SGCZ: variants seen among roughly 807,000 people sequenced by gnomAD.
SGCZ encodes zeta-sarcoglycan.
SGCZ carries 40 observed loss-of-function variants against 41.3 expected under a neutral mutation model. The ratio of observed to expected loss-of-function variants is 0.97; its 90% CI spans 0.75 to 1.26. SGCZ has a LOEUF of 1.26. Among genes scored for constraint, SGCZ ranks in the 50% most tolerant of loss-of-function variants. The pLI, the probability that SGCZ is intolerant of heterozygous loss-of-function variation, is 0.00. For synonymous variants in SGCZ, 206 were observed against 137.5 expected, an observed-to-expected ratio of 1.50 and a Z score of -3.49; for missense variants, 552 against 369.8, an observed-to-expected ratio of 1.49 and a Z score of -4.04.
intron 1 of SGCZ, among the ~76,000 whole-genome samples, chr8:15,102,717 G>A (rs1806661758): frequency 6.6e-6 from 1 of 152,060 alleles, no homozygotes; most frequent in Non-Finnish European, 1.5e-5. Context: ...ATTATAAAAT[G>A]TTTATATTGG....
At chr8:14,154,243 G>A (rs182082889) in intron 5 of SGCZ, among the ~76,000 whole-genome samples, 14 of 152,156 alleles carry the variant, frequency 9.2e-5, no homozygotes, top group Admixed American at 2.0e-4. Flanking sequence ...GGTGGTGGTC[G>A]CCTGTAGTCC....
chr8:14,109,474 C>G (rs1450934618), intron 5 of SGCZ, among the ~76,000 whole-genome samples: 1 of 152,096 alleles, frequency 6.6e-6, no homozygotes, highest in Non-Finnish European at 1.5e-5. Flanking sequence ...CTGGTCTAAT[C>G]TTCTTCAAAG....
chr8:14,794,354 GA>G (rs1249558582), intron 1 of SGCZ, among the ~76,000 whole-genome samples: 1 of 151,990 alleles, frequency 6.6e-6, no homozygotes, highest in African/African-American at 2.4e-5. Context: ...AGAGAGATGA[GA>G]AAATATACTG....
rs1276358674 is a variant in SGCZ at position 14,302,370 on chromosome 8, GT to G, written c.336+21732del. Among the ~76,000 whole-genome samples, 14 of 152,264 alleles carry G rather than the reference GT, an allele frequency of 9.2e-5. No individual in the cohort carries two copies. In the East Asian group the frequency reaches 2.3e-3, roughly 25 times the overall value. ...ACTTTTTCTATTTATTAAATCAAGT[GT>G]ATTTTATCAACCCTGTGATTCTTTC... On this transcript the variant is annotated intron_variant, in intron 3 of 7. Coordinates refer to ENST00000382080, the MANE Select transcript of SGCZ (RefSeq NM_139167.4).
Position 15,142,100 on chromosome 8 carries a change from T to C in SGCZ, c.39+95485A>G, listed in dbSNP as rs543956363. ...GAAGAGAGGACCTTGATGCTGAAGT[T>C]GGAGTTGAGCATCCCACTGAAATGG... On this transcript the variant is annotated intron_variant, in intron 1 of 7. Transcript: ENST00000382080. 1.1e-4 allele frequency among the ~76,000 whole-genome samples: 17 copies of C among 152,228 alleles called. No individual in the cohort carries two copies. The East Asian group carries it at 3.1e-3, about 28-fold the overall frequency.
At chr8:14,369,588 G>T (rs549355306) in intron 2 of SGCZ, among the ~76,000 whole-genome samples, 14 of 151,862 alleles carry the variant, frequency 9.2e-5, no homozygotes, top group African/African-American at 3.4e-4. Flanking sequence ...AGTATTTTAT[G>T]GAAAAGTCGT....
chr8:14,085,597 T>C lies in SGCZ; in HGVS notation c.*4846A>G, dbSNP rs1207064914. 1.3e-5 allele frequency among the ~76,000 whole-genome samples: 2 copies of C among 151,846 alleles called. No homozygotes were observed. Among genetic ancestry groups the C allele is most frequent in the African/African-American group, 2.4e-5 (1 of 41,420 alleles). On this transcript the variant is annotated 3_prime_UTR_variant, in exon 8 of 8. Coordinates refer to ENST00000382080, the MANE Select transcript of SGCZ (RefSeq NM_139167.4). ...CCTCTGGTTCTACAAGTATTTCAAA[T>C]TTTATTCTCCAAATAGTGTTCAGCA... is the stretch of plus-strand genomic sequence containing the variant.
At chr8:14,307,391 A>T (rs1016138747) in intron 3 of SGCZ, among the ~76,000 whole-genome samples, 1 of 152,196 alleles carries the variant, frequency 6.6e-6, no homozygotes, top group Non-Finnish European at 1.5e-5. Context: ...TGATGAAAAG[A>T]ATATAAATGC....
At position 14,380,752 on chromosome 8, in the gene SGCZ, G is replaced by C. The variant is rs531888233; in HGVS notation, c.235-56548C>G. On this transcript the variant is annotated intron_variant, in intron 2 of 7. Transcript: ENST00000382080. ...CTGCAGTCCCAGCTACTCGCTACTTGGAAGGCCGAGGTAGGAGAATCACTT... is the reference window on the plus strand; with the variant it reads ...CTGCAGTCCCAGCTACTCGCTACTTCGAAGGCCGAGGTAGGAGAATCACTT... 1.6e-3 allele frequency among the ~76,000 whole-genome samples: 239 copies of C among 152,220 alleles called. 2 individuals carry two copies. The highest frequency in any genetic ancestry group is 5.1e-3 in the African/African-American group (211 of 41,550).
chr8:15,070,795 T>C (rs750647302), intron 1 of SGCZ, among the ~76,000 whole-genome samples: 3 of 152,210 alleles, frequency 2.0e-5, no homozygotes, highest in Non-Finnish European at 4.4e-5. Flanking sequence ...TATTAGCTTC[T>C]TATTATTTAT....
At chr8:14,641,741 TA>T (rs757965772) in intron 1 of SGCZ, among the ~76,000 whole-genome samples, 1 of 151,662 alleles carries the variant, frequency 6.6e-6, no homozygotes, top group Non-Finnish European at 1.5e-5. Context: ...TCAGATGACA[TA>T]AATTATAAAC....
At chr8:14,246,002 C>T (rs145674788) in intron 3 of SGCZ, among the ~76,000 whole-genome samples, 151,503 of 152,250 alleles carry the variant, frequency 1, 75,386 homozygotes, top group East Asian at 1. Context: ...GTTGGTGGGA[C>T]TGTAAACTAG....
At chr8:14,266,493 G>A (rs1456700890) in intron 3 of SGCZ, among the ~76,000 whole-genome samples, 1 of 152,104 alleles carries the variant, frequency 6.6e-6, no homozygotes, top group Non-Finnish European at 1.5e-5. Flanking sequence ...TAGCCAGGTA[G>A]GGACCCAAGA....
rs977263185 is a variant in SGCZ at position 14,948,796 on chromosome 8, T to C, written c.39+288789A>G. Among the ~76,000 whole-genome samples, 11 of 152,128 alleles carry C rather than the reference T, an allele frequency of 7.2e-5. No homozygotes were observed. The East Asian group carries it at 1.9e-3, about 27-fold the overall frequency. ...CACACCCAGACACTGCTGGTTTTTGTTTGTTTTTGTTTTGCTTGCTTGCTG... is the reference window on the plus strand; with the variant it reads ...CACACCCAGACACTGCTGGTTTTTGCTTGTTTTTGTTTTGCTTGCTTGCTG... On this transcript the variant is annotated intron_variant, in intron 1 of 7. Transcript: ENST00000382080.
At chr8:14,853,818 T>C (rs543738105) in intron 1 of SGCZ, among the ~76,000 whole-genome samples, 1 of 152,052 alleles carries the variant, frequency 6.6e-6, no homozygotes, top group South Asian at 2.1e-4. Flanking sequence ...TTCTCTGTTC[T>C]TTCTTCAGAT....
At chr8:14,203,087 C>G (rs1238619540) in intron 4 of SGCZ, among the ~76,000 whole-genome samples, 2 of 152,154 alleles carry the variant, frequency 1.3e-5, no homozygotes, top group Admixed American at 1.3e-4. Flanking sequence ...TCGCCTTCCA[C>G]CATGATTGTG....
chr8:14,516,111 CT>C lies in SGCZ; in HGVS notation c.234+38620del, dbSNP rs146073235. ...GCAGTATGATCATGATGAAACTTCTCTTTTTTTTTCTATGTCTGTGGTTTTT... is the reference window on the plus strand; with the variant it reads ...GCAGTATGATCATGATGAAACTTCTCTTTTTTTTCTATGTCTGTGGTTTTT... On this transcript the variant is annotated intron_variant, in intron 2 of 7. Transcript: ENST00000382080. Among the ~76,000 whole-genome samples, 4 of 148,416 alleles carry C rather than the reference CT, an allele frequency of 2.7e-5. No homozygotes were observed. In the South Asian group the frequency reaches 6.4e-4, roughly 24 times the overall value.
chr8:14,273,905 C>A (rs17229197), intron 3 of SGCZ, among the ~76,000 whole-genome samples: 2 of 151,964 alleles, frequency 1.3e-5, no homozygotes, highest in African/African-American at 2.4e-5. Flanking sequence ...AAAATGTTTA[C>A]GTTGTTTTAC....
At chr8:14,744,068 G>C (rs1404446285) in intron 1 of SGCZ, among the ~76,000 whole-genome samples, 23 of 152,064 alleles carry the variant, frequency 1.5e-4, no homozygotes. Context: ...TAGCCACAGG[G>C]TTAGATGTTG....
Sources: allele counts gnomAD v4.1 joint callset (sites outside exome capture counted in the v4.1 genomes callset), GRCh38; gene constraint gnomAD v4.1.1; transcripts MANE v1.5; gene names NCBI Gene and HGNC (gene_info 2026-07-23, HGNC 2026-07-21).